Variants in KIAA1217 observed in about 807,000 individuals in gnomAD.
KIAA1217 encodes KIAA1217.
A neutral mutation model predicts 163.9 loss-of-function variants in KIAA1217; 88 were observed. The ratio of observed to expected loss-of-function variants is 0.54; its 90% CI spans 0.45 to 0.64. The LOEUF (loss-of-function observed/expected upper bound fraction) is 0.64. KIAA1217 is among the 30% of genes least tolerant of loss of function. The pLI is 0.00. For missense variants in KIAA1217, 2,372 were observed against 2,475.0 expected, an observed-to-expected ratio of 0.96 and a Z score of 0.88; for synonymous variants, 903 against 923.1, an observed-to-expected ratio of 0.98 and a Z score of 0.39.
chr10:23,766,779 G>A (rs150572194), intron 1 of KIAA1217, among the ~76,000 whole-genome samples: 1 of 151,734 alleles, frequency 6.6e-6, no homozygotes, highest in Non-Finnish European at 1.5e-5. Flanking sequence ...AGCGGAGACG[G>A]GGTTTCACCA....
intron 2 of KIAA1217, among the ~76,000 whole-genome samples, chr10:24,250,072 T>A (rs1160972629): frequency 6.6e-6 from 1 of 152,184 alleles, no homozygotes; most frequent in Non-Finnish European, 1.5e-5. Context: ...TGCTGCTGCT[T>A]GTTGGCAATA....
At chr10:23,920,842 A>G (rs957659889) in intron 1 of KIAA1217, among the ~76,000 whole-genome samples, 4 of 152,158 alleles carry the variant, frequency 2.6e-5, no homozygotes, top group African/African-American at 9.7e-5. Flanking sequence ...CATGGAAGGG[A>G]CACAGTGAGA....
intron 1 of KIAA1217, among the ~76,000 whole-genome samples, chr10:23,907,318 G>GTA (rs1402802711): frequency 1.3e-5 from 2 of 151,736 alleles, no homozygotes; most frequent in African/African-American, 4.8e-5. Flanking sequence ...GTGTGTGTGT[G>GTA]TATGAGAGAG....
chr10:23,880,705 C>G (rs1046769745), intron 1 of KIAA1217, among the ~76,000 whole-genome samples: 1 of 151,900 alleles, frequency 6.6e-6, no homozygotes, highest in Non-Finnish European at 1.5e-5. Flanking sequence ...GAAAATATCT[C>G]TTTTAATCCA....
intron 2 of KIAA1217, among the ~76,000 whole-genome samples, chr10:24,125,458 A>T (rs1414791185): frequency 6.6e-6 from 1 of 151,718 alleles, no homozygotes; most frequent in Non-Finnish European, 1.5e-5. Context: ...ATTTATAATG[A>T]ATTGACCATT....
intron 1 of KIAA1217, among the ~76,000 whole-genome samples, chr10:23,934,316 T>G (rs963870455): frequency 2.7e-5 from 4 of 150,882 alleles, no homozygotes; most frequent in African/African-American, 9.7e-5. Context: ...ATGTTCTCAC[T>G]TGGGAGTTGA....
At chr10:23,740,844 CT>C (rs1839069604) in intron 1 of KIAA1217, among the ~76,000 whole-genome samples, 1 of 152,060 alleles carries the variant, frequency 6.6e-6, no homozygotes, top group Non-Finnish European at 1.5e-5. Context: ...AGGAGAATTG[CT>C]TGAACCAGGG....
chr10:24,040,492 A>G (rs994589775), intron 2 of KIAA1217, among the ~76,000 whole-genome samples: 1 of 152,256 alleles, frequency 6.6e-6, no homozygotes, highest in African/African-American at 2.4e-5. Context: ...ATTTGGAGAA[A>G]TGAAAGCATG....
At chr10:24,271,397 A>G (rs1480927224) in intron 2 of KIAA1217, among the ~76,000 whole-genome samples, 1 of 152,118 alleles carries the variant, frequency 6.6e-6, no homozygotes, top group Non-Finnish European at 1.5e-5. Flanking sequence ...CATAAGTGCT[A>G]ATTTCAGTTC....
At chr10:24,184,657 C>G (rs561597568) in intron 2 of KIAA1217, among the ~76,000 whole-genome samples, 1 of 152,338 alleles carries the variant, frequency 6.6e-6, no homozygotes, top group East Asian at 1.9e-4. Context: ...AGCAGGATTC[C>G]AGCCCATGGG....
chr10:23,913,641 G>T (rs530010631), intron 1 of KIAA1217, among the ~76,000 whole-genome samples: 1 of 152,160 alleles, frequency 6.6e-6, no homozygotes, highest in African/African-American at 2.4e-5. Context: ...GGGGCACCAG[G>T]CAGGCTGCTG....
chr10:23,720,798 G>A (rs1837841313), intron 1 of KIAA1217, among the ~76,000 whole-genome samples: 1 of 152,062 alleles, frequency 6.6e-6, no homozygotes, highest in African/African-American at 2.4e-5. Flanking sequence ...AAATTTTATC[G>A]ATAAAAATTC....
At chr10:24,445,653 A>G (rs577151254) in intron 5 of KIAA1217, among the ~76,000 whole-genome samples, 157 of 150,948 alleles carry the variant, frequency 1.0e-3, no homozygotes, top group African/African-American at 3.6e-3. Flanking sequence ...TCCTTGCGAT[A>G]GTTTGCTGAG....
chr10:23,743,771 T>A (rs1007100780), intron 1 of KIAA1217, among the ~76,000 whole-genome samples: 2 of 152,204 alleles, frequency 1.3e-5, no homozygotes, highest in African/African-American at 2.4e-5. Flanking sequence ...GAAGGCAGGA[T>A]AAAATATAGC....
chr10:23,704,061 C>CTA (rs142999139), intron 1 of KIAA1217, among the ~76,000 whole-genome samples: 10,160 of 143,958 alleles, frequency 0.071, 605 homozygotes, highest in African/African-American at 0.15. Context: ...ATACAATATA[C>CTA]TATATATATA....
At chr10:23,914,182 G>T (rs895826960) in intron 1 of KIAA1217, among the ~76,000 whole-genome samples, 1 of 152,160 alleles carries the variant, frequency 6.6e-6, no homozygotes, top group Admixed American at 6.5e-5. Flanking sequence ...GGCAGAGGAA[G>T]ACTCTTCCAG....
chr10:24,301,900 C>G (rs1031573667), intron 2 of KIAA1217, among the ~76,000 whole-genome samples: 1 of 152,092 alleles, frequency 6.6e-6, no homozygotes, highest in Admixed American at 6.6e-5. Context: ...CAAAAATTAG[C>G]TGAGCGTGGT....
chr10:24,464,769 G>A (rs978041660), intron 5 of KIAA1217, among the ~76,000 whole-genome samples: 3 of 152,180 alleles, frequency 2.0e-5, no homozygotes, highest in African/African-American at 7.2e-5. Flanking sequence ...ACAGGCGTGA[G>A]CCACATAGCA....
chr10:24,265,097 C>T (rs553463980), intron 2 of KIAA1217, among the ~76,000 whole-genome samples: 1 of 152,278 alleles, frequency 6.6e-6, no homozygotes, highest in East Asian at 1.9e-4. Flanking sequence ...CTCCTGGGCT[C>T]AAGCAATCCG....
Sources: allele counts gnomAD v4.1 joint callset (sites outside exome capture counted in the v4.1 genomes callset), GRCh38; gene constraint gnomAD v4.1.1; transcripts MANE v1.5; gene names NCBI Gene and HGNC (gene_info 2026-07-23, HGNC 2026-07-21).